Variants in EXOC6B observed in about 807,000 individuals in gnomAD.
EXOC6B encodes the protein exocyst complex component 6B.
Under a neutral mutation model 113.5 loss-of-function variants are expected in EXOC6B, and 54 were observed. The observed-to-expected ratio is 0.48, with a 90% CI of 0.38 to 0.60. The LOEUF (loss-of-function observed/expected upper bound fraction) is 0.60. EXOC6B is among the 20% of genes least tolerant of loss of function. The pLI, the probability that EXOC6B is intolerant of heterozygous loss-of-function variation, is 0.00. For synonymous variants in EXOC6B, 357 were observed against 339.0 expected (o/e 1.05, Z -0.58); for missense variants, 797 against 977.5 (o/e 0.82, Z 2.46).
intron 1 of EXOC6B, among the ~76,000 whole-genome samples, chr2:72,761,543 G>A (rs1018515830): frequency 6.6e-6 from 1 of 151,774 alleles, no homozygotes; most frequent in Non-Finnish European, 1.5e-5. Context: ...GTTCAAAATA[G>A]ATCAAACTAA....
chr2:72,419,449 T>C (rs1301145934), intron 18 of EXOC6B, among the ~76,000 whole-genome samples: 1 of 152,224 alleles, frequency 6.6e-6, no homozygotes, highest in Non-Finnish European at 1.5e-5. Context: ...TTCATTTCAC[T>C]CTGCATGACA....
Position 72,465,265 on chromosome 2 carries a change from T to C in EXOC6B, c.1875A>G (p.Ala625=), listed in dbSNP as rs2105419127. 1 of 1,610,252 alleles carries C rather than the reference T, an allele frequency of 6.2e-7. No homozygotes were observed. The stretch of plus-strand genomic sequence containing the variant: ...AATCTCCGGTCATCCAGTCATAGTC[T>C]GCCAGCTGTAGGAACTGGTCAATCT... ...NQKIDQFLQL[A]DYDWMTGDLG... is the part of the protein sequence containing the mutation. The change falls in exon 18 of 22, where the codon GCA becomes GCG. Residue 625 remains alanine, a synonymous_variant. Coordinates refer to ENST00000272427, the MANE Select transcript of EXOC6B (RefSeq NM_015189.3).
intron 8 of EXOC6B, among the ~76,000 whole-genome samples, chr2:72,542,225 TG>T (rs1702643819): frequency 6.6e-6 from 1 of 152,192 alleles, no homozygotes; most frequent in Non-Finnish European, 1.5e-5. Flanking sequence ...TCCTTCTATG[TG>T]GTGAGAATAA....
intron 20 of EXOC6B, among the ~76,000 whole-genome samples, chr2:72,217,871 T>C (rs1319193699): frequency 2.6e-5 from 4 of 152,224 alleles, no homozygotes; most frequent in Non-Finnish European, 5.9e-5. Context: ...CATATAAGCA[T>C]TTAGTAAGTA....
intron 20 of EXOC6B, among the ~76,000 whole-genome samples, chr2:72,198,983 A>C (rs1679332653): frequency 6.6e-6 from 1 of 152,200 alleles, no homozygotes; most frequent in Admixed American, 6.5e-5. Context: ...ATTCATGTTT[A>C]AAGCTGGAAA....
intron 7 of EXOC6B, among the ~76,000 whole-genome samples, chr2:72,568,056 T>C (rs561241902): frequency 7.2e-5 from 11 of 152,148 alleles, no homozygotes; most frequent in Non-Finnish European, 1.5e-4. Context: ...GGTACCTTTA[T>C]GGTGAAGAAA....
chr2:72,277,478 A>C (rs946263202), intron 20 of EXOC6B, among the ~76,000 whole-genome samples: 190 of 152,076 alleles, frequency 1.2e-3, no homozygotes, highest in African/African-American at 4.2e-3. Context: ...GGTAATAATT[A>C]GAAAGTATGT....
At chr2:72,694,049 T>C (rs1005255069) in intron 6 of EXOC6B, among the ~76,000 whole-genome samples, 3 of 151,988 alleles carry the variant, frequency 2.0e-5, no homozygotes, top group Admixed American at 2.0e-4. Flanking sequence ...ATGCCTATGA[T>C]ATAAATGCAT....
At chr2:72,361,430 C>T (rs1690309004) in intron 19 of EXOC6B, among the ~76,000 whole-genome samples, 1 of 152,118 alleles carries the variant, frequency 6.6e-6, no homozygotes, top group African/African-American at 2.4e-5. Context: ...TCACCAGGGT[C>T]CTCAGGACTC....
At chr2:72,599,072 T>C (rs1313493462) in intron 6 of EXOC6B, among the ~76,000 whole-genome samples, 2 of 152,030 alleles carry the variant, frequency 1.3e-5, no homozygotes, top group Admixed American at 6.6e-5. Context: ...CCATAGTCCA[T>C]AGTATCAAAG....
At chr2:72,426,584 T>TTC (rs1271799779) in intron 18 of EXOC6B, among the ~76,000 whole-genome samples, 7 of 152,176 alleles carry the variant, frequency 4.6e-5, no homozygotes, top group Non-Finnish European at 8.8e-5. Flanking sequence ...TCAAACATAC[T>TTC]TCTATAAGAT....
intron 6 of EXOC6B, among the ~76,000 whole-genome samples, chr2:72,691,681 ATT>A (rs1164324005): frequency 1.2e-4 from 16 of 137,738 alleles, no homozygotes; most frequent in Non-Finnish European, 1.1e-4. Context: ...TTGTATATCT[ATT>A]TTTTTTTTTT....
intron 6 of EXOC6B, among the ~76,000 whole-genome samples, chr2:72,709,311 A>C (rs1679111385): frequency 6.6e-6 from 1 of 152,134 alleles, no homozygotes; most frequent in East Asian, 1.9e-4. Context: ...GACAAGACTA[A>C]AGCACTTGCT....
intron 20 of EXOC6B, among the ~76,000 whole-genome samples, chr2:72,193,769 A>C (rs1246347969): frequency 1.3e-5 from 2 of 152,166 alleles, no homozygotes; most frequent in Non-Finnish European, 2.9e-5. Context: ...GGAATAACCA[A>C]GACAAATGAG....
intron 1 of EXOC6B, among the ~76,000 whole-genome samples, chr2:72,813,638 T>C (rs1196554820): frequency 1.3e-5 from 2 of 152,206 alleles, no homozygotes; most frequent in African/African-American, 4.8e-5. Flanking sequence ...ATGTATTCCA[T>C]AAATATGACT....
At chr2:72,195,180 T>G (rs1177579725) in intron 20 of EXOC6B, among the ~76,000 whole-genome samples, 1 of 152,210 alleles carries the variant, frequency 6.6e-6, no homozygotes, top group Non-Finnish European at 1.5e-5. Context: ...AGGCTTCAGA[T>G]TCTCCTGTTG....
At chr2:72,543,595 G>A (rs1277223936) in intron 8 of EXOC6B, among the ~76,000 whole-genome samples, 1 of 152,036 alleles carries the variant, frequency 6.6e-6, no homozygotes, top group African/African-American at 2.4e-5. Context: ...ATGCCCATGG[G>A]TAATAAGGTC....
chr2:72,278,664 G>A (rs1684944583), intron 20 of EXOC6B, among the ~76,000 whole-genome samples: 1 of 152,046 alleles, frequency 6.6e-6, no homozygotes, highest in Non-Finnish European at 1.5e-5. Flanking sequence ...GAACACTTTG[G>A]CATCTGTTTC....
intron 1 of EXOC6B, among the ~76,000 whole-genome samples, chr2:72,792,552 G>C (rs1684732808): frequency 6.6e-6 from 1 of 152,100 alleles, no homozygotes; most frequent in Non-Finnish European, 1.5e-5. Context: ...TTCGAGTCAT[G>C]ATGAGACATA....
Sources: gnomAD v4.1 joint callset for allele counts (sites outside exome capture counted in the v4.1 genomes callset) on GRCh38, gnomAD v4.1.1 for gene constraint, MANE v1.5 for transcripts, NCBI Gene and HGNC (gene_info 2026-07-23, HGNC 2026-07-21) for gene names.